Variants in GALNT2 observed in about 807,000 individuals in gnomAD.
GALNT2 encodes UDP-GalNAc:polypeptide N-acetylgalactosaminyltransferase 2.
In GALNT2, 31 loss-of-function variants were observed where a neutral mutation model predicts 81.4. That is an observed-to-expected ratio of 0.38 (90% CI 0.29 to 0.51). The LOEUF (loss-of-function observed/expected upper bound fraction) is 0.51, where lower values mean the gene tolerates loss of function less well. GALNT2 is among the 20% of genes least tolerant of loss of function. GALNT2 has a pLI of 0.87. For synonymous variants in GALNT2, 303 were observed against 287.4 expected (o/e 1.05, Z -0.55); for missense variants, 629 against 765.7 (o/e 0.82, Z 2.11).
chr1:230,255,826 A>G (rs1400680359), intron 11 of GALNT2, among the ~76,000 whole-genome samples: 1 of 152,216 alleles, frequency 6.6e-6, no homozygotes, highest in Non-Finnish European at 1.5e-5. Flanking sequence ...AAGAAAGTTC[A>G]TTTTATAACC....
intron 1 of GALNT2, among the ~76,000 whole-genome samples, chr1:230,173,477 T>C (rs552158469): frequency 3.9e-5 from 6 of 152,178 alleles, no homozygotes; most frequent in Non-Finnish European, 5.9e-5. Context: ...ATCCCTCCTT[T>C]GAGGGTGGTG....
intron 1 of GALNT2, among the ~76,000 whole-genome samples, chr1:230,144,889 TA>T (rs1661865036): frequency 6.6e-6 from 1 of 152,158 alleles, no homozygotes; most frequent in Non-Finnish European, 1.5e-5. Context: ...CAGTGGCTTC[TA>T]AGCTTCTTGT....
intron 15 of GALNT2, among the ~76,000 whole-genome samples, chr1:230,276,330 C>T (rs1472274233): frequency 6.6e-6 from 1 of 152,086 alleles, no homozygotes; most frequent in Admixed American, 6.6e-5. Flanking sequence ...GAAATGCAAG[C>T]ACAAAAGGTC....
Position 230,279,715 on chromosome 1 carries a change from T to G in GALNT2, c.*257T>G, listed in dbSNP as rs1666385134. ...CCCCAGGCCGGAGCGCCCCTCTTCC[T>G]TCCAGCTTTCACTTCTGCCGGCTCC... On this transcript the variant is annotated 3_prime_UTR_variant, in exon 16 of 16. Coordinates refer to ENST00000366672, the MANE Select transcript of GALNT2 (RefSeq NM_004481.5). The surrounding 1 kb of genome is among the most constrained non-coding windows in gnomAD (Gnocchi z 4.6). The G allele has an allele frequency of 1.8e-6, 1 of 549,146 alleles. No individual in the cohort carries two copies. The highest frequency in any genetic ancestry group is 3.4e-6 in the Non-Finnish European group (1 of 295,886). 34.0% of individuals were successfully genotyped at this position (549,146 alleles called of 1,614,324 possible).
intron 2 of GALNT2, among the ~76,000 whole-genome samples, chr1:230,201,617 C>T (rs578080041): frequency 4.6e-5 from 7 of 152,294 alleles, no homozygotes; most frequent in African/African-American, 7.2e-5. Context: ...AGGGTTGACA[C>T]GCTGCAAAAG....
rs1663581657 is a variant in GALNT2 at position 230,193,136 on chromosome 1, C to T, written c.221-10001C>T. Among the ~76,000 whole-genome samples the T allele has an allele frequency of 1.3e-5, 2 of 152,164 alleles. No individual in the cohort carries two copies. Among genetic ancestry groups the T allele is most frequent in the South Asian group, 2.1e-4 (1 of 4,832 alleles). On this transcript the variant is annotated intron_variant, in intron 2 of 15. Transcript: ENST00000366672. This position sits in a 1 kb window ranked among gnomAD's most constrained non-coding sequence, Gnocchi z 4.3. ...CTGTTTCCCTTCCTTGGCTGCTTTC[C>T]CAGCGGTTGCTCTGTTTTACGTGGG...
chr1:230,179,723 A>G (rs889130033), intron 2 of GALNT2, among the ~76,000 whole-genome samples: 7 of 152,062 alleles, frequency 4.6e-5, no homozygotes, highest in Non-Finnish European at 1.0e-4. Context: ...GGTTTTGTAA[A>G]TGTTTCTCCT....
intron 10 of GALNT2, 149 bp from the exon 11 acceptor site, chr1:230,255,069 G>C: frequency 9.4e-7 from 1 of 1,065,242 alleles, no homozygotes; most frequent in Admixed American, 2.0e-5. Context: ...GAAGGAGGAA[G>C]GTCCTTATCA....
chr1:230,118,272 T>G (rs891494841), intron 1 of GALNT2, among the ~76,000 whole-genome samples: 3 of 152,254 alleles, frequency 2.0e-5, no homozygotes, highest in Non-Finnish European at 2.9e-5. Flanking sequence ...ATCTTGGTTG[T>G]TTCACATTGT....
At chr1:230,168,287 C>T (rs73111933) in intron 1 of GALNT2, among the ~76,000 whole-genome samples, 3 of 152,170 alleles carry the variant, frequency 2.0e-5, no homozygotes, top group Non-Finnish European at 4.4e-5. Context: ...AAGAGCTGAC[C>T]TGCTTCATAA....
intron 3 of GALNT2, among the ~76,000 whole-genome samples, chr1:230,234,241 A>C (rs1276549363): frequency 6.6e-6 from 1 of 152,032 alleles, no homozygotes; most frequent in Non-Finnish European, 1.5e-5. Context: ...AGAGAACTTG[A>C]GACAAAGTCC....
intron 14 of GALNT2, among the ~76,000 whole-genome samples, chr1:230,267,075 G>A (rs1330747334): frequency 1.3e-5 from 2 of 152,100 alleles, no homozygotes; most frequent in East Asian, 3.9e-4. Context: ...TGATTCCCGG[G>A]CTCAGTCCCC....
chr1:230,152,046 G>T (rs900732192), intron 1 of GALNT2, among the ~76,000 whole-genome samples: 9 of 152,152 alleles, frequency 5.9e-5, no homozygotes, highest in Non-Finnish European at 4.4e-5. Context: ...GTGGGTTTTG[G>T]CCGGCTCCTT....
At chr1:230,266,943 T>C (rs781093449) in intron 14 of GALNT2, among the ~76,000 whole-genome samples, 13 of 152,130 alleles carry the variant, frequency 8.5e-5, no homozygotes, top group Non-Finnish European at 1.8e-4. Flanking sequence ...ATGGGTCAGG[T>C]TTGCCGACAG....
intron 15 of GALNT2, among the ~76,000 whole-genome samples, chr1:230,274,921 A>G (rs536145752): frequency 3.0e-4 from 46 of 151,262 alleles, no homozygotes; most frequent in Non-Finnish European, 5.6e-4. Flanking sequence ...GTGTGTGTCT[A>G]TGTGTGTATA....
chr1:230,065,039 C>T (rs1659139171), upstream of GALNT2, among the ~76,000 whole-genome samples: 1 of 152,010 alleles, frequency 6.6e-6, no homozygotes, highest in Admixed American at 6.6e-5. Context: ...TAAATTTTCC[C>T]TTATTCCTGG....
Position 230,218,390 on chromosome 1 carries a change from A to C in GALNT2, c.374+15100A>C, listed in dbSNP as rs563699998. On this transcript the variant is annotated intron_variant, in intron 3 of 15. Coordinates refer to ENST00000366672, the MANE Select transcript of GALNT2 (RefSeq NM_004481.5). Reference sequence around the variant, plus strand: ...ATGTTGGAATCCCAGTTATCCCTTTAGCAGCTGCACGATCTTGGCGTGTCA... The same window carrying C: ...ATGTTGGAATCCCAGTTATCCCTTTCGCAGCTGCACGATCTTGGCGTGTCA... Among the ~76,000 whole-genome samples, 11 of 152,320 alleles carry C rather than the reference A, an allele frequency of 7.2e-5. No homozygotes were observed. In the South Asian group the frequency reaches 2.1e-3, roughly 29 times the overall value.
chr1:230,190,495 G>A (rs369130637), intron 2 of GALNT2, among the ~76,000 whole-genome samples: 2 of 152,180 alleles, frequency 1.3e-5, no homozygotes, highest in South Asian at 2.1e-4. Context: ...CAATCTTTTC[G>A]TGAATTTCTA....
At chr1:230,091,255 T>A (rs1161350714) in intron 1 of GALNT2, among the ~76,000 whole-genome samples, 1 of 145,808 alleles carries the variant, frequency 6.9e-6, no homozygotes, top group Non-Finnish European at 1.5e-5. Flanking sequence ...TTTTTTTTTT[T>A]AGTAGAGACA....
Sources: gnomAD v4.1 joint callset for allele counts (sites outside exome capture counted in the v4.1 genomes callset) on GRCh38, gnomAD v4.1.1 for gene constraint, Gnocchi (gnomAD v3.1) non-coding constraint, MANE v1.5 for transcripts, NCBI Gene and HGNC (gene_info 2026-07-23, HGNC 2026-07-21) for gene names.